ASB1: variants seen among roughly 807,000 people sequenced by gnomAD.
The protein encoded by ASB1 is ankyrin repeat and SOCS box protein 1.
A neutral mutation model predicts 27.7 loss-of-function variants in ASB1; 18 were observed. That is an observed-to-expected ratio of 0.65 (90% CI 0.45 to 0.96). ASB1 has a LOEUF of 0.96. Ranked by LOEUF, ASB1 falls within the 50% of genes least tolerant of loss-of-function variation. ASB1 has a pLI of 0.00. For missense variants in ASB1, 397 were observed against 451.7 expected, an observed-to-expected ratio of 0.88 and a Z score of 1.10; for synonymous variants, 189 against 187.6, an observed-to-expected ratio of 1.01 and a Z score of -0.06.
In ASB1 at chr2:238,449,824, T is replaced by G. The variant is rs1391028490; in HGVS notation, c.*3313T>G. 6.6e-6 allele frequency: 1 copy of G among 152,230 alleles called. No homozygotes were observed. Among genetic ancestry groups the G allele is most frequent in the Non-Finnish European group, 1.5e-5 (1 of 68,044 alleles). 9.4% of individuals were successfully genotyped at this position (152,230 alleles called of 1,614,324 possible). ...TTTAGTAAGTTTTCTTTTTCCTTTT[T>G]CAATGAATTGATTCTTCAAATTAAA... is the stretch of plus-strand genomic sequence containing the variant. On this transcript the variant is annotated 3_prime_UTR_variant, in exon 5 of 5. Transcript: ENST00000264607.
At chr2:238,433,716 C>T in intron 2 of ASB1, 21 bp downstream of exon 2, 3 of 1,612,876 alleles carry the variant, frequency 1.9e-6, no homozygotes, top group Non-Finnish European at 2.5e-6. Context: ...CTGCCCAGGG[C>T]TGGTCCGGGT....
chr2:238,442,958 A>C (rs945036919), intron 3 of ASB1, among the ~76,000 whole-genome samples: 1 of 152,156 alleles, frequency 6.6e-6, no homozygotes, highest in Non-Finnish European at 1.5e-5. Flanking sequence ...AATAAACTTC[A>C]CTTATGGTGT....
chr2:238,428,111 G>A (rs866354239), intron 1 of ASB1, among the ~76,000 whole-genome samples: 12 of 152,152 alleles, frequency 7.9e-5, no homozygotes, highest in Admixed American at 1.3e-4. Context: ...TACCATCCTG[G>A]GCTTTGGTTG....
In ASB1 at chr2:238,426,938, C is replaced by G; in HGVS notation, c.-133C>G. 1 of 616,352 alleles carries G rather than the reference C, an allele frequency of 1.6e-6. No homozygotes were observed. The highest frequency in any genetic ancestry group is 2.3e-6 in the Non-Finnish European group (1 of 431,886). 38.2% of individuals were successfully genotyped at this position (616,352 alleles called of 1,614,324 possible). A position where few individuals can be genotyped will look rare whatever the true frequency, so the allele number is the denominator to read the frequency against. The stretch of plus-strand genomic sequence containing the variant: ...CGGCCCCGGAAACCAGTGAGGCCGG[C>G]GCGCGCCCGCCGGAAGCCGCGACCC... On this transcript the variant is annotated 5_prime_UTR_variant, in exon 1 of 5. Transcript: ENST00000264607.
At chr2:238,432,275 TAAC>T (rs1471032543) in intron 1 of ASB1, among the ~76,000 whole-genome samples, 2 of 152,246 alleles carry the variant, frequency 1.3e-5, no homozygotes, top group African/African-American at 4.8e-5. Context: ...TGACATCTGA[TAAC>T]AAAATCCCAA....
chr2:238,430,144 T>C (rs936563870), intron 1 of ASB1, among the ~76,000 whole-genome samples: 27 of 152,320 alleles, frequency 1.8e-4, no homozygotes, highest in African/African-American at 6.0e-4. Context: ...GACAGTGAAG[T>C]TTGCCATATC....
At position 238,444,387 on chromosome 2, in the gene ASB1, C is replaced by G. The variant is rs1466594727; in HGVS notation, c.540C>G (p.Val180=). 1.9e-6 allele frequency: 3 copies of G among 1,613,120 alleles called. No homozygotes were observed. The highest frequency in any genetic ancestry group is 1.3e-5 in the African/African-American group (1 of 74,928). ...TCAACCACCACCTGACTCCTGATGT[C>G]CAGCCTCGATTCTCCCGGCGGCTCA... The part of the protein sequence containing the change: ...VDVNHHLTPD[V]QPRFSRRLTS... Residue 180 remains valine, a synonymous_variant, in exon 4 of 5, where the codon GTC becomes GTG. Transcript: ENST00000264607.
At chr2:238,432,447 A>G (rs1575001591) in intron 1 of ASB1, among the ~76,000 whole-genome samples, 1 of 125,146 alleles carries the variant, frequency 8.0e-6, no homozygotes, top group Non-Finnish European at 1.9e-5. Flanking sequence ...TGTGTTTTTA[A>G]CCTTCGTTTT....
rs1335418006 is a variant in ASB1 at position 238,449,536 on chromosome 2, G to C, written c.*3025G>C. 6.5e-6 allele frequency: 1 copy of C among 152,690 alleles called. No homozygotes were observed. Among genetic ancestry groups the C allele is most frequent in the Non-Finnish European group, 1.5e-5 (1 of 68,330 alleles). 9.5% of individuals were successfully genotyped at this position (152,690 alleles called of 1,614,324 possible). On this transcript the variant is annotated 3_prime_UTR_variant, in exon 5 of 5. Coordinates refer to ENST00000264607, the MANE Select transcript of ASB1 (RefSeq NM_001040445.3). ...CTGGGCTGGGCTGTGGTGGGGTGGG[G>C]GACAACGTTGGTAACTCTGAGAATT...
intron 3 of ASB1, among the ~76,000 whole-genome samples, chr2:238,443,568 A>C (rs937692498): frequency 6.6e-6 from 1 of 152,194 alleles, no homozygotes; most frequent in African/African-American, 2.4e-5. Flanking sequence ...GGAAAGCAGG[A>C]GTCTGTCTTG....
chr2:238,439,745 C>T (rs566733046), intron 3 of ASB1, among the ~76,000 whole-genome samples: 14 of 152,156 alleles, frequency 9.2e-5, no homozygotes, highest in Non-Finnish European at 2.1e-4. Context: ...TCGCATTCCC[C>T]TCTTATCAGG....
intron 3 of ASB1, among the ~76,000 whole-genome samples, chr2:238,441,837 C>A (rs1702083706): frequency 6.6e-6 from 1 of 152,164 alleles, no homozygotes; most frequent in Non-Finnish European, 1.5e-5. Flanking sequence ...GGAAATAGAT[C>A]CCGAGCAGTG....
At chr2:238,435,505 C>T (rs1701950032) in intron 2 of ASB1, among the ~76,000 whole-genome samples, 1 of 152,200 alleles carries the variant, frequency 6.6e-6, no homozygotes. Context: ...AGTTTCCTGT[C>T]TCTGGAATGG....
rs751089916 is a variant in ASB1, at chr2:238,435,860, C to A, written c.341C>A (p.Ala114Asp). Residue 114 changes from alanine (A) to aspartate (D), a missense_variant, in exon 3 of 5, where the codon GCC becomes GAC. Transcript: ENST00000264607. ...VDLVDVKGQTALYVAVVNGHL... is the reference protein window; with the variant it reads ...VDLVDVKGQTDLYVAVVNGHL... ...CTGGTGGACGTAAAAGGACAGACGG[C>A]CCTGTATGTGGCTGTGGTGAACGGG... 1.2e-6 allele frequency: 2 copies of A among 1,614,226 alleles called. No homozygotes were observed. Among genetic ancestry groups the A allele is most frequent in the Non-Finnish European group, 1.7e-6 (2 of 1,180,040 alleles).
intron 1 of ASB1, among the ~76,000 whole-genome samples, chr2:238,429,401 A>C (rs1346434798): frequency 6.6e-6 from 1 of 152,228 alleles, no homozygotes; most frequent in East Asian, 1.9e-4. Flanking sequence ...TGTGAGGTGA[A>C]TAACTCAATT....
chr2:238,439,549 C>A (rs927931165), intron 3 of ASB1, among the ~76,000 whole-genome samples: 1 of 152,166 alleles, frequency 6.6e-6, no homozygotes, highest in Admixed American at 6.5e-5. Context: ...GTCCCGTCAT[C>A]GCTGCTCCCC....
intron 1 of ASB1, among the ~76,000 whole-genome samples, chr2:238,430,579 A>G (rs1226169908): frequency 6.6e-6 from 1 of 152,234 alleles, no homozygotes; most frequent in Non-Finnish European, 1.5e-5. Flanking sequence ...TGAATCACAA[A>G]TGTTCTAAAT....
intron 3 of ASB1, among the ~76,000 whole-genome samples, chr2:238,438,374 G>A (rs1025538077): frequency 3.3e-5 from 5 of 151,534 alleles, no homozygotes; most frequent in African/African-American, 1.2e-4. Flanking sequence ...TATTTTTTTT[G>A]TATTTTTAGT....
chr2:238,441,279 T>G (rs897654743), intron 3 of ASB1, among the ~76,000 whole-genome samples: 7 of 151,886 alleles, frequency 4.6e-5, no homozygotes, highest in African/African-American at 1.7e-4. Flanking sequence ...AGATTACAGG[T>G]GCCCGCCACC....
Sources: allele counts gnomAD v4.1 joint callset (sites outside exome capture counted in the v4.1 genomes callset), GRCh38; gene constraint gnomAD v4.1.1; transcripts MANE v1.5; gene names NCBI Gene and HGNC (gene_info 2026-07-23, HGNC 2026-07-21).